KMT2C: variants seen among roughly 807,000 people sequenced by gnomAD.
KMT2C encodes the protein lysine methyltransferase 2C.
KMT2C carries 88 observed loss-of-function variants against 507.9 expected under a neutral mutation model. The ratio of observed to expected loss-of-function variants is 0.17; its 90% CI spans 0.15 to 0.21. The LOEUF (loss-of-function observed/expected upper bound fraction) is 0.21, where lower values mean the gene tolerates loss of function less well. KMT2C is among the 10% of genes least tolerant of loss of function. KMT2C has a pLI of 1.00. For missense variants in KMT2C, 4,954 were observed against 5,957.8 expected, an observed-to-expected ratio of 0.83 and a Z score of 5.55; for synonymous variants, 2,049 against 2,080.8, an observed-to-expected ratio of 0.98 and a Z score of 0.42.
At chr7:152,245,493 G>GT (rs199879891) in intron 14 of KMT2C, among the ~76,000 whole-genome samples, 1,527 of 151,932 alleles carry the variant, frequency 0.01, 14 homozygotes, top group Non-Finnish European at 0.016. Flanking sequence ...ACCTGTTTTT[G>GT]TTTTTTTAAA....
intron 3 of KMT2C, among the ~76,000 whole-genome samples, chr7:152,316,534 A>G (rs1027194785): frequency 6.6e-6 from 1 of 152,178 alleles, no homozygotes. Context: ...TTATATTTAC[A>G]CTTCACAAGA....
chr7:152,308,782 A>G (rs1054680832), intron 6 of KMT2C, among the ~76,000 whole-genome samples: 1 of 151,528 alleles, frequency 6.6e-6, no homozygotes, highest in East Asian at 1.9e-4. Context: ...CCTTGGGTCC[A>G]GGAGTTTGAG....
At chr7:152,370,043 A>C (rs1002812384) in intron 1 of KMT2C, among the ~76,000 whole-genome samples, 1 of 152,036 alleles carries the variant, frequency 6.6e-6, no homozygotes, top group Non-Finnish European at 1.5e-5. Flanking sequence ...AATACAAAAA[A>C]ATTAGCTGGG....
At chr7:152,338,259 G>A (rs1464738866) in intron 2 of KMT2C, among the ~76,000 whole-genome samples, 3 of 152,084 alleles carry the variant, frequency 2.0e-5, no homozygotes, top group African/African-American at 4.8e-5. Flanking sequence ...AGCCCCCTCC[G>A]ATCTATGCTC....
chr7:152,414,992 G>A (rs571936383), intron 1 of KMT2C, among the ~76,000 whole-genome samples: 225 of 152,074 alleles, frequency 1.5e-3, no homozygotes, highest in Non-Finnish European at 1.9e-3. Context: ...GAGGCAACAG[G>A]TGCATACCAC....
At chr7:152,169,578 C>A (rs1319133254) in intron 40 of KMT2C, among the ~76,000 whole-genome samples, 1 of 152,178 alleles carries the variant, frequency 6.6e-6, no homozygotes, top group Non-Finnish European at 1.5e-5. Context: ...TAAAAAATCT[C>A]ACTTTTTGAT....
intron 2 of KMT2C, among the ~76,000 whole-genome samples, chr7:152,354,686 A>G (rs2097139000): frequency 6.6e-6 from 1 of 152,188 alleles, no homozygotes; most frequent in Admixed American, 6.5e-5. Context: ...CCAAGCAAAG[A>G]AGACAAAAAG....
At chr7:152,320,265 T>G (rs1348158177) in intron 3 of KMT2C, among the ~76,000 whole-genome samples, 1 of 152,214 alleles carries the variant, frequency 6.6e-6, no homozygotes, top group African/African-American at 2.4e-5. Context: ...TTTGTTTTTT[T>G]TGAGATGGAG....
chr7:152,145,610 C>T (rs2091029197), intron 53 of KMT2C, among the ~76,000 whole-genome samples: 1 of 152,224 alleles, frequency 6.6e-6, no homozygotes, highest in Non-Finnish European at 1.5e-5. Flanking sequence ...GACTGAAACA[C>T]ACAATACCCA....
chr7:152,180,612 AAT>A, intron 36 of KMT2C, 97 bp downstream of exon 36: 1 of 937,342 alleles, frequency 1.1e-6, no homozygotes, highest in South Asian at 1.8e-5. Context: ...GAATAAAAAA[AAT>A]AAAACATTAA....
At chr7:152,344,903 C>T (rs562287035) in intron 2 of KMT2C, among the ~76,000 whole-genome samples, 1 of 152,082 alleles carries the variant, frequency 6.6e-6, no homozygotes, top group African/African-American at 2.4e-5. Context: ...AGGAGAATGG[C>T]GTGAACCCAG....
chr7:152,343,542 G>A lies in KMT2C; in HGVS notation c.251-12803C>T, dbSNP rs183328733. 6.5e-4 allele frequency among the ~76,000 whole-genome samples: 98 copies of A among 150,416 alleles called. No individual in the cohort carries two copies. The Middle Eastern group carries it at 0.01, about 16-fold the overall frequency. ...AATACCAAAAAGAGACAAAAGAGAG[G>A]AAGAAGAAGAAATATTCCTCAAATT... On this transcript the variant is annotated intron_variant, in intron 2 of 58. Transcript: ENST00000262189.
At chr7:152,158,630 C>G (rs2092251639) in intron 44 of KMT2C, among the ~76,000 whole-genome samples, 1 of 152,092 alleles carries the variant, frequency 6.6e-6, no homozygotes. Flanking sequence ...ATTCTCGTGC[C>G]TCAGCCTCCC....
intron 16 of KMT2C, among the ~76,000 whole-genome samples, chr7:152,234,968 T>C (rs897939309): frequency 4.6e-5 from 7 of 152,006 alleles, no homozygotes; most frequent in African/African-American, 1.7e-4. Context: ...GAAAAGGGAG[T>C]ACACTGTTAA....
At chr7:152,364,223 G>C (rs1053135395) in intron 1 of KMT2C, among the ~76,000 whole-genome samples, 2 of 152,102 alleles carry the variant, frequency 1.3e-5, no homozygotes, top group Non-Finnish European at 2.9e-5. Flanking sequence ...CCTCATATGC[G>C]CAAGAATGTA....
intron 1 of KMT2C, among the ~76,000 whole-genome samples, chr7:152,412,134 G>A (rs2097690615): frequency 1.3e-5 from 2 of 150,932 alleles, no homozygotes; most frequent in Admixed American, 1.3e-4. Flanking sequence ...AAGAGCGGTG[G>A]CTCATGCCTG....
At chr7:152,300,449 CTG>C (rs1434137272) in intron 6 of KMT2C, among the ~76,000 whole-genome samples, 1 of 152,148 alleles carries the variant, frequency 6.6e-6, no homozygotes, top group African/African-American at 2.4e-5. Flanking sequence ...TAGATAAAAA[CTG>C]TGTTTCTTGG....
At chr7:152,345,337 G>T (rs533426164) in intron 2 of KMT2C, among the ~76,000 whole-genome samples, 1 of 152,074 alleles carries the variant, frequency 6.6e-6, no homozygotes, top group Admixed American at 6.5e-5. Flanking sequence ...AGCTACTTGC[G>T]AAGCTGAGGT....
chr7:152,354,610 GTAAC>G (rs1217107502), intron 2 of KMT2C, among the ~76,000 whole-genome samples: 1 of 152,214 alleles, frequency 6.6e-6, no homozygotes, highest in African/African-American at 2.4e-5. Flanking sequence ...TGGGAAAACT[GTAAC>G]TGAGTAGAGA....
Sources: allele counts gnomAD v4.1 joint callset (sites outside exome capture counted in the v4.1 genomes callset), GRCh38; gene constraint gnomAD v4.1.1; transcripts MANE v1.5; gene names NCBI Gene and HGNC (gene_info 2026-07-23, HGNC 2026-07-21).